Variants in ARMH3 observed in about 807,000 individuals in gnomAD.
The protein encoded by ARMH3 is armadillo-like helical domain-containing protein 3.
Under a neutral mutation model 99.1 loss-of-function variants are expected in ARMH3, and 60 were observed. The ratio of observed to expected loss-of-function variants is 0.61; its 90% CI spans 0.49 to 0.75. The LOEUF (loss-of-function observed/expected upper bound fraction) is 0.75. Among genes scored for constraint, ARMH3 ranks in the 30% least tolerant of loss-of-function variants. The pLI is 0.00. For missense variants in ARMH3, 679 were observed against 843.1 expected, an observed-to-expected ratio of 0.81 and a Z score of 2.41; for synonymous variants, 285 against 292.8, an observed-to-expected ratio of 0.97 and a Z score of 0.27.
At chr10:102,014,247 C>T (rs1218893465) in intron 8 of ARMH3, among the ~76,000 whole-genome samples, 1 of 152,182 alleles carries the variant, frequency 6.6e-6, no homozygotes, top group Non-Finnish European at 1.5e-5. Flanking sequence ...TACACATACA[C>T]ACCTCAGTTC....
chr10:102,023,187 C>A (rs2066925003), intron 8 of ARMH3, among the ~76,000 whole-genome samples: 11 of 128,828 alleles, frequency 8.5e-5, no homozygotes, highest in African/African-American at 3.1e-4. Flanking sequence ...AAATCCGTCT[C>A]AAAAAAAAAA....
chr10:101,942,513 TACAGTGGGCTTCACTGC>T (rs2135726412), intron 22 of ARMH3, among the ~76,000 whole-genome samples: 1 of 152,342 alleles, frequency 6.6e-6, no homozygotes, highest in African/African-American at 2.4e-5. Context: ...GTCCTTCCCA[TACAGTGGGCTTCACTGC>T]AGCCAAACAG....
chr10:101,886,875 C>T (rs1029306291), intron 24 of ARMH3, among the ~76,000 whole-genome samples: 12 of 152,112 alleles, frequency 7.9e-5, no homozygotes, highest in African/African-American at 2.9e-4. Context: ...AACATCTATC[C>T]ATGCTCTTTA....
intron 20 of ARMH3, among the ~76,000 whole-genome samples, chr10:101,960,892 A>G (rs76253709): frequency 1.3e-5 from 2 of 149,446 alleles, no homozygotes; most frequent in Non-Finnish European, 3.0e-5. Flanking sequence ...TCCGTCTCAA[A>G]AAAAAAAAAA....
chr10:101,946,071 C>CAAAAAAAAAAAAAAAAAAAA (rs569179050), intron 22 of ARMH3, among the ~76,000 whole-genome samples: 15 of 34,486 alleles, frequency 4.3e-4, no homozygotes, highest in African/African-American at 2.4e-3. Context: ...GACTCTGCCT[C>CAAAAAAAAAAAAAAAAAAAA]AAAAAAAAAA....
rs756566605 is a variant in ARMH3, at chr10:101,849,890, C to T, written c.1863G>A (p.Val621=). The T allele has an allele frequency of 2.5e-5, 40 of 1,613,000 alleles. No homozygotes were observed. The highest frequency in any genetic ancestry group is 3.1e-5 in the Non-Finnish European group (36 of 1,179,124). ...CATAGTTGGCTCTCACCACCTCCAG[C>T]ACCTGGAGGACATCAAGGGCCAGGC... ...NHISQLSEEQ[V]LEVVRANYDT... The change falls in exon 25 of 26, where the codon GTG becomes GTA. Residue 621 remains valine (V), a splice_region_variant and synonymous_variant. Transcript: ENST00000370033.
chr10:101,957,570 C>CACCA, intron 21 of ARMH3, 80 bp downstream of exon 21: 1 of 1,470,078 alleles, frequency 6.8e-7, no homozygotes, highest in Admixed American at 2.4e-5. Flanking sequence ...GTCCCCAGAC[C>CACCA]ACCAGCTCCT....
rs188251563 is a variant in ARMH3 at position 101,984,548 on chromosome 10, A to G, written c.1406+6003T>C. ...CGGCCTATATTTGGCCCCCTTTGATAACGCCATCCCACCAACACTGAGCCA... is the reference window on the plus strand; with the variant it reads ...CGGCCTATATTTGGCCCCCTTTGATGACGCCATCCCACCAACACTGAGCCA... On this transcript the variant is annotated intron_variant, in intron 19 of 25. Transcript: ENST00000370033. Among the ~76,000 whole-genome samples the G allele has an allele frequency of 6.8e-3, 1,034 of 151,946 alleles. 4 individuals are homozygous for G. Among genetic ancestry groups the G allele is most frequent in the Non-Finnish European group, 0.01 (712 of 67,964 alleles).
chr10:102,011,435 A>G (rs375951395), intron 11 of ARMH3, among the ~76,000 whole-genome samples: 1 of 151,996 alleles, frequency 6.6e-6, no homozygotes, highest in Admixed American at 6.6e-5. Flanking sequence ...TTAATTAATT[A>G]ATTAATTAAT....
chr10:101,862,071 AAAG>A (rs2066888445), intron 24 of ARMH3, among the ~76,000 whole-genome samples: 1 of 150,756 alleles, frequency 6.6e-6, no homozygotes, highest in Non-Finnish European at 1.5e-5. Flanking sequence ...AAAAAAAAAA[AAAG>A]ATGTTCTTTG....
chr10:101,936,080 G>A (rs1309778312), intron 23 of ARMH3, among the ~76,000 whole-genome samples: 2 of 152,154 alleles, frequency 1.3e-5, no homozygotes, highest in Admixed American at 1.3e-4. Flanking sequence ...TCTCTGCTAA[G>A]AGAATACTGA....
chr10:101,935,700 G>A (rs1843936473), intron 23 of ARMH3, among the ~76,000 whole-genome samples: 1 of 152,156 alleles, frequency 6.6e-6, no homozygotes, highest in Non-Finnish European at 1.5e-5. Context: ...CCCTTCTCAT[G>A]GTTATTAAAG....
At chr10:102,013,892 C>A in intron 9 of ARMH3, 76 bp downstream of exon 9, 2 of 1,256,082 alleles carry the variant, frequency 1.6e-6, no homozygotes, top group South Asian at 2.7e-5. Context: ...GCTCTCTGTT[C>A]TAAATGTACT....
At chr10:102,020,847 CAAAA>C (rs1332174201) in intron 8 of ARMH3, among the ~76,000 whole-genome samples, 4 of 67,586 alleles carry the variant, frequency 5.9e-5, no homozygotes, top group Non-Finnish European at 2.9e-5. Context: ...GACTCTGTCT[CAAAA>C]AAAAAAAAAA....
intron 23 of ARMH3, among the ~76,000 whole-genome samples, chr10:101,910,469 C>T (rs1476161656): frequency 1.3e-5 from 2 of 152,160 alleles, no homozygotes; most frequent in African/African-American, 4.8e-5. Context: ...GTGGCTTATG[C>T]CTGTAATCCC....
At chr10:101,879,355 AT>A (rs780370509) in intron 24 of ARMH3, among the ~76,000 whole-genome samples, 9,292 of 142,918 alleles carry the variant, frequency 0.065, 252 homozygotes, top group Non-Finnish European at 0.067. Flanking sequence ...TTACATAAGA[AT>A]TTTTTTTTTT....
At position 101,957,672 on chromosome 10, in the gene ARMH3, T is replaced by C. The variant is rs1454419778; in HGVS notation, c.1556A>G (p.Asn519Ser). The change falls in exon 21 of 26, where the codon AAC becomes AGC. Residue 519 changes from asparagine (N) to serine (S), a missense_variant. By Grantham distance (46) the Asn-to-Ser change is conservative. This residue lies in a region of ARMH3 where 389 missense variants were observed against 456.5 expected (regional missense o/e 0.85). Transcript: ENST00000370033. ...SNETVLLAKH[N>S]IFTLALMIVN... ...CACCATAAGGGCTAATGTAAAAATG[T>C]TGTGTTTGGCCAAAAGTACAGTCTC... The C allele has an allele frequency of 4.3e-6, 7 of 1,610,662 alleles. No individual in the cohort carries two copies. The highest frequency in any genetic ancestry group is 1.3e-5 in the African/African-American group (1 of 74,770).
intron 2 of ARMH3, among the ~76,000 whole-genome samples, chr10:102,033,849 C>T (rs759238478): frequency 5.3e-5 from 8 of 152,090 alleles, no homozygotes; most frequent in Admixed American, 1.3e-4. Flanking sequence ...ATTCTCTGCA[C>T]CAAAAGTTAA....
At chr10:102,036,624 T>C (rs894213721) in intron 2 of ARMH3, among the ~76,000 whole-genome samples, 35 of 152,024 alleles carry the variant, frequency 2.3e-4, no homozygotes, top group Admixed American at 1.6e-3. Flanking sequence ...CAGGGTTAAA[T>C]GGATTAAGGG....
Sources: allele counts gnomAD v4.1 joint callset (sites outside exome capture counted in the v4.1 genomes callset), GRCh38; gene constraint gnomAD v4.1.1; regional missense constraint gnomAD v4.1.1; transcripts MANE v1.5; gene names NCBI Gene and HGNC (gene_info 2026-07-23, HGNC 2026-07-21).